RAVER1: variants seen among roughly 807,000 people sequenced by gnomAD.
RAVER1 encodes ribonucleoprotein PTB-binding 1.
A neutral mutation model predicts 68.4 loss-of-function variants in RAVER1; 36 were observed. The observed-to-expected ratio is 0.53, with a 90% confidence interval of 0.40 to 0.70. RAVER1 has a LOEUF of 0.70. Among genes scored for constraint, RAVER1 ranks in the 30% least tolerant of loss-of-function variants. The probability of loss-of-function intolerance (pLI) is 0.00; values close to 1 mark genes in which losing one functional copy is unlikely to be tolerated. For missense variants in RAVER1, 933 were observed against 1,019.8 expected (o/e 0.91, Z 1.16); for synonymous variants, 469 against 472.7 (o/e 0.99, Z 0.10).
At position 10,317,608 on chromosome 19, in the gene RAVER1, C is replaced by CA. The variant is rs774460517; in HGVS notation, c.2074-9dup. On this transcript the variant is annotated splice_polypyrimidine_tract_variant and intron_variant, in intron 12 of 12. Coordinates refer to ENST00000617231, the MANE Select transcript of RAVER1 (RefSeq NM_133452.3). The surrounding 1 kb of genome is among the most constrained non-coding windows in gnomAD (Gnocchi z 4.3). ...CTGGCCGCCCAGTGGGGTCTGGAGA[C>CA]AGAGGGCAGGGCGGGGCGGGTCAGG... 20 of 1,598,364 alleles carry CA rather than the reference C, an allele frequency of 1.3e-5. No homozygotes were observed. The East Asian group carries it at 4.3e-4, about 34-fold the overall frequency.
chr19:10,328,969 G>A lies in RAVER1; in HGVS notation c.429C>T (p.Leu143=), dbSNP rs1392750451. The A allele has an allele frequency of 1.3e-6, 2 of 1,599,750 alleles. No individual in the cohort carries two copies. Among genetic ancestry groups the A allele is most frequent in the African/African-American group, 1.3e-5 (1 of 74,690 alleles). Residue 143 remains leucine (L), a synonymous_variant, in exon 3 of 13, where the codon CTC becomes CTT. Transcript: ENST00000617231. The surrounding 1 kb of genome is among the most constrained non-coding windows in gnomAD (Gnocchi z 4.4). ...LLCVANLPPS[L]TQQQFEELVR... is the part of the protein sequence containing the mutation. ...CCAGCTCCTCGAACTGCTGCTGTGTGAGGCTGGGGGGCAGGTTGGCCACAC... is the reference window on the plus strand; with the variant it reads ...CCAGCTCCTCGAACTGCTGCTGTGTAAGGCTGGGGGGCAGGTTGGCCACAC...
intron 7 of RAVER1, 38 bp from the exon 8 acceptor site, chr19:10,321,297 C>T (rs2040436112): frequency 9.3e-7 from 1 of 1,080,664 alleles, no homozygotes; most frequent in Non-Finnish European, 1.2e-6. Flanking sequence ...CCCAGGCTCA[C>T]AGGACCCCTC....
chr19:10,324,296 A>C lies in RAVER1; in HGVS notation c.757-730T>G, dbSNP rs1599302080. 3.9e-5 allele frequency among the ~76,000 whole-genome samples: 6 copies of C among 152,308 alleles called. 1 individual carries two copies. Among genetic ancestry groups the C allele is most frequent in the Admixed American group, 3.9e-4 (6 of 15,304 alleles). On this transcript the variant is annotated intron_variant, in intron 3 of 12. Coordinates refer to ENST00000617231, the MANE Select transcript of RAVER1 (RefSeq NM_133452.3). ...CACTTGCTGAATGCCCGGGCAGCAA[A>C]GGTGCAGGTAGCAGCCCTTCACCTC...
chr19:10,331,463 G>A (rs1426069662), intron 1 of RAVER1, among the ~76,000 whole-genome samples: 16 of 148,732 alleles, frequency 1.1e-4, no homozygotes, highest in Non-Finnish European at 2.1e-4. Flanking sequence ...TGAGGCAGGC[G>A]GGTCACAAGA....
rs2040395091 is a variant in RAVER1, at chr19:10,317,081, T to C, written c.*373A>G. ...AAAAAAGGAGACAGTCTCTGTATCT[T>C]CACGGGAGGTCAGGGAAACCTCCAA... On this transcript the variant is annotated 3_prime_UTR_variant, in exon 13 of 13. Transcript: ENST00000617231. This position sits in a 1 kb window ranked among gnomAD's most constrained non-coding sequence, Gnocchi z 4.3. The C allele has an allele frequency of 3.4e-6, 1 of 293,828 alleles. No individual in the cohort carries two copies. Among genetic ancestry groups the C allele is most frequent in the South Asian group, 3.4e-5 (1 of 29,732 alleles). The allele number at this position is 293,828 out of a possible 1,614,324, so 18.2% of individuals were successfully genotyped here. A position where few individuals can be genotyped will look rare whatever the true frequency, so the allele number is the denominator to read the frequency against.
In RAVER1 at chr19:10,328,694, A is replaced by G; in HGVS notation, c.704T>C (p.Val235Ala). 1 of 1,603,386 alleles carries G rather than the reference A, an allele frequency of 6.2e-7. No homozygotes were observed. The highest frequency in any genetic ancestry group is 8.5e-7 in the Non-Finnish European group (1 of 1,175,624). The part of the protein sequence containing the change: ...VDRLPPGFND[V>A]DALCRALSAV... ...TGACAGCGCCCGGCACAGAGCGTCCACATCGTTGAAGCCAGGTGGCAGGCG... is the reference window on the plus strand; with the variant it reads ...TGACAGCGCCCGGCACAGAGCGTCCGCATCGTTGAAGCCAGGTGGCAGGCG... The change falls in exon 3 of 13, where the codon GTG (valine) becomes GCG (alanine). Residue 235 changes from valine to alanine, a missense_variant. Val to Ala is a moderately conservative substitution (Grantham distance 64). Coordinates refer to ENST00000617231, the MANE Select transcript of RAVER1 (RefSeq NM_133452.3). The surrounding 1 kb of genome is among the most constrained non-coding windows in gnomAD (Gnocchi z 4.4).
Position 10,328,919 on chromosome 19 carries a change from C to T in RAVER1, c.479G>A (p.Arg160His), listed in dbSNP as rs1296636194. The change falls in exon 3 of 13, where the codon CGC becomes CAC. Residue 160 changes from arginine to histidine, a missense_variant. Around this residue, in one of 3 missense-constraint regions of RAVER1, gnomAD observed 211 missense variants for 230.0 expected, o/e 0.92. Transcript: ENST00000617231. This position sits in a 1 kb window ranked among gnomAD's most constrained non-coding sequence, Gnocchi z 4.4. ...GCGCTCACTGTAGACCAGGAAGCAG[C>T]GCTCCAGGCTGCCGAAGGGCCGCAC... ...ELVRPFGSLE[R>H]CFLVYSERTG... is the part of the protein sequence containing the mutation. The T allele has an allele frequency of 5.0e-6, 8 of 1,611,716 alleles. No homozygotes were observed. The highest frequency in any genetic ancestry group is 6.8e-6 in the Non-Finnish European group (8 of 1,178,674).
intron 3 of RAVER1, among the ~76,000 whole-genome samples, chr19:10,324,305 T>C (rs907201251): frequency 1.3e-5 from 2 of 152,140 alleles, no homozygotes; most frequent in Admixed American, 1.3e-4. Context: ...AAGGTGCAGG[T>C]AGCAGCCCTT....
intron 2 of RAVER1, 43 bp downstream of exon 2, chr19:10,330,417 G>A (rs201930568): frequency 2.2e-6 from 2 of 925,924 alleles, no homozygotes; most frequent in East Asian, 2.6e-5. Flanking sequence ...CATCTTCAGG[G>A]ATGGTCACTC....
At position 10,318,331 on chromosome 19, in the gene RAVER1, A is replaced by G; in HGVS notation, c.1887T>C (p.Gly629=). Reference sequence around the variant, plus strand: ...GAGACAGGGGGCCCCCGCCACTCCCACCGCTGCTCCGTTCGCCGAAGCCAC... The same window carrying G: ...GAGACAGGGGGCCCCCGCCACTCCCGCCGCTGCTCCGTTCGCCGAAGCCAC... ...PPSGFGERSS[G]GSGGGPLSHF... The change falls in exon 11 of 13, where the codon GGT becomes GGC. Residue 629 remains glycine (G), a synonymous_variant. Transcript: ENST00000617231. 6.2e-7 allele frequency: 1 copy of G among 1,601,900 alleles called. No homozygotes were observed. Among genetic ancestry groups the G allele is most frequent in the Non-Finnish European group, 8.5e-7 (1 of 1,175,778 alleles).
chr19:10,331,390 C>CACAAAA (rs2040516562), intron 1 of RAVER1, among the ~76,000 whole-genome samples: 1 of 31,752 alleles, frequency 3.1e-5, no homozygotes, highest in Non-Finnish European at 5.9e-5. Context: ...AAAATAACAA[C>CACAAAA]AACAAAAAAA....
At position 10,320,696 on chromosome 19, in the gene RAVER1, CG is replaced by C; in HGVS notation, c.1728del (p.Glu577AsnfsTer114). The C allele has an allele frequency of 6.5e-7, 1 of 1,539,954 alleles. No homozygotes were observed. The highest frequency in any genetic ancestry group is 8.7e-7 in the Non-Finnish European group (1 of 1,151,626). ...CTGTAGCTGTCAGACAGTCCTGGTT[CG>C]GGGGGCAGGCGGGCGCTGCTGAGGG... ...LSPLSSARLP[P>X]EPGLSDSYSF... On this transcript the variant is annotated frameshift_variant, in exon 9 of 13. Coordinates refer to ENST00000617231, the MANE Select transcript of RAVER1 (RefSeq NM_133452.3). LOFTEE classifies it high-confidence loss of function.
intron 3 of RAVER1, among the ~76,000 whole-genome samples, chr19:10,324,448 T>TA (rs1333964721): frequency 6.6e-6 from 1 of 152,110 alleles, no homozygotes; most frequent in Admixed American, 6.5e-5. Flanking sequence ...GATGTGAACT[T>TA]AGCTTACCGT....
At chr19:10,330,330 G>A in intron 2 of RAVER1, 130 bp downstream of exon 2, 1 of 581,424 alleles carries the variant, frequency 1.7e-6, no homozygotes, top group East Asian at 3.0e-5. Flanking sequence ...AGGCAGATTG[G>A]GGCAACCTGC....
At position 10,318,362 on chromosome 19, in the gene RAVER1, G is replaced by C. The variant is rs550451618; in HGVS notation, c.1856C>G (p.Pro619Arg). The C allele has an allele frequency of 1.4e-5, 23 of 1,591,614 alleles. No individual in the cohort carries two copies. The highest frequency in any genetic ancestry group is 1.7e-5 in the Non-Finnish European group (20 of 1,170,084). The part of the protein sequence containing the change: ...HGPSRHKMSP[P>R]PSGFGERSSG... ...GCTCCGTTCGCCGAAGCCACTGGGC[G>C]GGGGGGACATCTGTAGAAGAAGGGC... Residue 619 changes from proline to arginine, a missense_variant, in exon 11 of 13, where the codon CCG (proline) becomes CGG (arginine). Around this residue, in one of 3 missense-constraint regions of RAVER1, gnomAD observed 699 missense variants for 731.1 expected, o/e 0.96. Coordinates refer to ENST00000617231, the MANE Select transcript of RAVER1 (RefSeq NM_133452.3).
intron 3 of RAVER1, among the ~76,000 whole-genome samples, chr19:10,327,765 C>T (rs11673632): frequency 0.069 from 10,581 of 152,246 alleles, 595 homozygotes; most frequent in Non-Finnish European, 0.1. Context: ...CTGAAGGTTA[C>T]GTACTCAGAG....
rs766207748 is a variant in RAVER1, at chr19:10,317,686, G to A, written c.2073+4C>T. 2.7e-5 allele frequency: 42 copies of A among 1,572,716 alleles called. No individual in the cohort carries two copies. Among genetic ancestry groups the A allele is most frequent in the East Asian group, 9.2e-5 (4 of 43,410 alleles). The stretch of plus-strand genomic sequence containing the variant: ...CCCTGCATGTCCCCACCCCCTGCCC[G>A]TACCTTCAGCAGGTGGCTGTGACCA... On this transcript the variant is annotated splice_donor_region_variant and intron_variant, in intron 12 of 12. Transcript: ENST00000617231. The surrounding 1 kb of genome is among the most constrained non-coding windows in gnomAD (Gnocchi z 4.3).
intron 1 of RAVER1, among the ~76,000 whole-genome samples, chr19:10,330,764 G>A (rs1343310915): frequency 1.3e-5 from 2 of 152,204 alleles, no homozygotes; most frequent in Admixed American, 6.6e-5. Context: ...CATGCTCTTA[G>A]AGGGTATACC....
Position 10,316,216 on chromosome 19 carries a change from T to G in RAVER1, c.*1238A>C. On this transcript the variant is annotated 3_prime_UTR_variant, in exon 13 of 13. Coordinates refer to ENST00000617231, the MANE Select transcript of RAVER1 (RefSeq NM_133452.3). ...CCAAGAACCAGCCAACTCTGATTTCTTTAAAACCATTTACTTACAAACTTT... is the reference window on the plus strand; with the variant it reads ...CCAAGAACCAGCCAACTCTGATTTCGTTAAAACCATTTACTTACAAACTTT... 1 of 1,383,550 alleles carries G rather than the reference T, an allele frequency of 7.2e-7. No homozygotes were observed. The highest frequency in any genetic ancestry group is 1.7e-5 in the South Asian group (1 of 57,996). 85.7% of individuals were successfully genotyped at this position (1,383,550 alleles called of 1,614,324 possible).
Sources: gnomAD v4.1 joint callset for allele counts (sites outside exome capture counted in the v4.1 genomes callset) on GRCh38, gnomAD v4.1.1 for gene constraint, gnomAD v4.1.1 regional missense constraint, Gnocchi (gnomAD v3.1) non-coding constraint, MANE v1.5 for transcripts, NCBI Gene and HGNC (gene_info 2026-07-23, HGNC 2026-07-21) for gene names.